SDK1: variants seen among roughly 807,000 people sequenced by gnomAD.
SDK1 encodes the protein sidekick cell adhesion molecule 1.
SDK1 carries 157 observed loss-of-function variants against 245.5 expected under a neutral mutation model. The observed-to-expected ratio is 0.64, with a 90% CI of 0.56 to 0.73. The LOEUF (loss-of-function observed/expected upper bound fraction) is 0.73. Ranked by LOEUF, SDK1 falls within the 30% of genes least tolerant of loss-of-function variation. The probability of loss-of-function intolerance (pLI) is 0.00; values close to 1 mark genes in which losing one functional copy is unlikely to be tolerated. For missense variants in SDK1, 3,583 were observed against 3,002.3 expected (o/e 1.19, Z -4.52); for synonymous variants, 1,647 against 1,278.5 (o/e 1.29, Z -6.15).
chr7:3,919,762 G>C (rs923391488), intron 5 of SDK1, among the ~76,000 whole-genome samples: 9 of 152,204 alleles, frequency 5.9e-5, no homozygotes, highest in African/African-American at 2.2e-4. Context: ...ACTGTAAGGT[G>C]TAATTAATTC....
intron 1 of SDK1, among the ~76,000 whole-genome samples, chr7:3,523,383 A>G (rs990712055): frequency 6.6e-6 from 1 of 152,156 alleles, no homozygotes. Flanking sequence ...TACAGGATGT[A>G]GTTTCCAAAG....
chr7:4,252,824 T>C (rs963814436), intron 44 of SDK1, among the ~76,000 whole-genome samples: 16 of 145,134 alleles, frequency 1.1e-4, no homozygotes, highest in East Asian at 6.1e-4. Flanking sequence ...TTATTCCGTT[T>C]CCCCCCCCCT....
chr7:4,232,545 C>G (rs1195163997), intron 40 of SDK1, among the ~76,000 whole-genome samples: 1 of 151,942 alleles, frequency 6.6e-6, no homozygotes, highest in Non-Finnish European at 1.5e-5. Flanking sequence ...TCACTGCAAC[C>G]TCAACCTCCC....
intron 4 of SDK1, among the ~76,000 whole-genome samples, chr7:3,803,082 C>G (rs1054140008): frequency 6.6e-6 from 1 of 152,112 alleles, no homozygotes; most frequent in African/African-American, 2.4e-5. Context: ...TTTTCATTCT[C>G]TCAGCAACAT....
chr7:4,220,128 C>G lies in SDK1; in HGVS notation c.5559C>G (p.Thr1853=). The part of the protein sequence containing the change: ...APVQGVSKVV[T]VEVRGNWQRW... Reference sequence around the variant, plus strand: ...CTGCAGGGGTGAGCAAGGTGGTGACCGTGGAAGTGAGAGGGAACTGGCAGC... The same window carrying G: ...CTGCAGGGGTGAGCAAGGTGGTGACGGTGGAAGTGAGAGGGAACTGGCAGC... Residue 1853 remains threonine, a synonymous_variant, in exon 39 of 45, where the codon ACC becomes ACG. Coordinates refer to ENST00000404826, the MANE Select transcript of SDK1 (RefSeq NM_152744.4). 1.2e-6 allele frequency: 2 copies of G among 1,613,866 alleles called. No homozygotes were observed. The highest frequency in any genetic ancestry group is 1.7e-6 in the Non-Finnish European group (2 of 1,179,932).
chr7:4,069,093 C>A (rs1172272341), intron 20 of SDK1, among the ~76,000 whole-genome samples: 1 of 152,150 alleles, frequency 6.6e-6, no homozygotes, highest in African/African-American at 2.4e-5. Context: ...AAAAAAAAAT[C>A]TTGGTTTGAC....
chr7:3,410,578 CTTTT>C (rs776277920), intron 1 of SDK1, among the ~76,000 whole-genome samples: 2 of 82,054 alleles, frequency 2.4e-5, no homozygotes, highest in South Asian at 4.8e-4. Context: ...GAAATGATAT[CTTTT>C]TTTTTTTTTT....
chr7:3,402,479 T>G (rs2128573822), intron 1 of SDK1, among the ~76,000 whole-genome samples: 1 of 152,338 alleles, frequency 6.6e-6, no homozygotes, highest in African/African-American at 2.4e-5. Context: ...TGACTTCCCA[T>G]CTGTGGTAGG....
chr7:3,670,829 G>A (rs1783678466), intron 4 of SDK1, among the ~76,000 whole-genome samples: 1 of 152,100 alleles, frequency 6.6e-6, no homozygotes, highest in South Asian at 2.1e-4. Context: ...CTGTTTTTAG[G>A]TATCCCCTTT....
At chr7:3,538,992 A>G (rs1315503791) in intron 1 of SDK1, among the ~76,000 whole-genome samples, 6 of 152,214 alleles carry the variant, frequency 3.9e-5, no homozygotes, top group African/African-American at 1.4e-4. Context: ...TGTCTCTTCA[A>G]TGCAGTCACT....
At chr7:3,822,513 T>C (rs1779670617) in intron 5 of SDK1, among the ~76,000 whole-genome samples, 1 of 152,204 alleles carries the variant, frequency 6.6e-6, no homozygotes, top group Admixed American at 6.5e-5. Flanking sequence ...CTCACACCTG[T>C]GATCCCAGCA....
intron 4 of SDK1, among the ~76,000 whole-genome samples, chr7:3,770,016 T>TA (rs1469274323): frequency 6.6e-6 from 1 of 151,596 alleles, no homozygotes; most frequent in Non-Finnish European, 1.5e-5. Flanking sequence ...CACATATCCC[T>TA]ACTACAGTCT....
At chr7:3,822,246 C>A (rs1426414876) in intron 5 of SDK1, among the ~76,000 whole-genome samples, 1 of 152,122 alleles carries the variant, frequency 6.6e-6, no homozygotes, top group Admixed American at 6.6e-5. Context: ...ATTCAGACAT[C>A]CATATCAGAA....
chr7:3,859,062 C>T (rs1005520218), intron 5 of SDK1, among the ~76,000 whole-genome samples: 2 of 151,636 alleles, frequency 1.3e-5, no homozygotes, highest in Middle Eastern at 3.2e-3. Context: ...CGGGGTTTCA[C>T]TGTGTTAGCC....
chr7:4,244,952 C>T (rs554968559), intron 43 of SDK1, among the ~76,000 whole-genome samples: 2 of 152,324 alleles, frequency 1.3e-5, no homozygotes, highest in African/African-American at 4.8e-5. Context: ...CCAGCAAGAG[C>T]ATCTCTGTCT....
intron 30 of SDK1, among the ~76,000 whole-genome samples, chr7:4,150,694 C>T (rs992426444): frequency 6.4e-4 from 98 of 152,338 alleles, no homozygotes; most frequent in African/African-American, 2.3e-3. Flanking sequence ...CTCAGAACAC[C>T]ACCCTGGCCC....
chr7:4,211,899 G>T (rs921981844), intron 38 of SDK1, among the ~76,000 whole-genome samples: 2 of 152,190 alleles, frequency 1.3e-5, no homozygotes, highest in Non-Finnish European at 2.9e-5. Context: ...GTGAGCCACC[G>T]TGCCCGACCC....
intron 1 of SDK1, among the ~76,000 whole-genome samples, chr7:3,579,317 G>A (rs1372427435): frequency 6.6e-6 from 1 of 152,116 alleles, no homozygotes; most frequent in Admixed American, 6.5e-5. Context: ...CAGCACAAAA[G>A]GACTCCACCA....
At position 4,158,568 on chromosome 7, in the gene SDK1, C is replaced by G; in HGVS notation, c.4729+17C>G. 6.3e-7 allele frequency: 1 copy of G among 1,590,822 alleles called. No individual in the cohort carries two copies. The highest frequency in any genetic ancestry group is 8.6e-7 in the Non-Finnish European group (1 of 1,160,260). On this transcript the variant is annotated intron_variant, in intron 31 of 44. Coordinates refer to ENST00000404826, the MANE Select transcript of SDK1 (RefSeq NM_152744.4). ...TGCAGGATGGTGAGCAACCCGGGGC[C>G]CAGACCGCGTTCCTGGCCGCTGCCC...
Sources: gnomAD v4.1 joint callset for allele counts (sites outside exome capture counted in the v4.1 genomes callset) on GRCh38, gnomAD v4.1.1 for gene constraint, MANE v1.5 for transcripts, NCBI Gene and HGNC (gene_info 2026-07-23, HGNC 2026-07-21) for gene names.